Variants in LINGO1 observed in about 807,000 individuals in gnomAD.
The protein encoded by LINGO1 is leucine-rich repeat and immunoglobulin-like domain-containing nogo receptor-interacting protein 1.
LINGO1 carries 11 observed loss-of-function variants against 37.3 expected under a neutral mutation model. That is an observed-to-expected ratio of 0.29 (90% CI 0.19 to 0.49). LINGO1 has a LOEUF of 0.49. LINGO1 is among the 20% of genes least tolerant of loss of function. The pLI is 0.99. For synonymous variants in LINGO1, 387 were observed against 403.0 expected (o/e 0.96, Z 0.48); for missense variants, 585 against 878.2 (o/e 0.67, Z 4.22).
chr15:77,679,412 AATG>A (rs1224121666), intron 2 of LINGO1, among the ~76,000 whole-genome samples: 1 of 152,198 alleles, frequency 6.6e-6, no homozygotes, highest in Non-Finnish European at 1.5e-5. Context: ...GGTACTGGAT[AATG>A]ATGATGACGA....
chr15:77,624,041 T>C (rs1291708078), intron 1 of LINGO1, among the ~76,000 whole-genome samples: 1 of 148,892 alleles, frequency 6.7e-6, no homozygotes, highest in East Asian at 2.0e-4. Flanking sequence ...TGTGTGAGTG[T>C]GGTGTGTGTG....
intron 3 of LINGO1, among the ~76,000 whole-genome samples, chr15:77,671,675 T>C (rs903706603): frequency 2.0e-5 from 3 of 152,190 alleles, no homozygotes; most frequent in Non-Finnish European, 4.4e-5. Context: ...CCCCGCCTGG[T>C]ACCCACCTGG....
Position 77,693,779 on chromosome 15 carries a change from C to G in LINGO1, c.-281+2612G>C, listed in dbSNP as rs560955744. On this transcript the variant is annotated intron_variant, in intron 1 of 3. Transcript: ENST00000559893. ...GTTGTGGCAGAACCAGCTGGCTGATCAGCTGGATGTGAGGGGGTGGAGGTA... is the reference window on the plus strand; with the variant it reads ...GTTGTGGCAGAACCAGCTGGCTGATGAGCTGGATGTGAGGGGGTGGAGGTA... Among the ~76,000 whole-genome samples, 367 of 152,150 alleles carry G rather than the reference C, an allele frequency of 2.4e-3. 3 individuals carry two copies. The highest frequency in any genetic ancestry group is 8.3e-3 in the African/African-American group (345 of 41,502).
rs1200453719 is a variant in LINGO1, at chr15:77,614,411, G to A, written c.1496C>T (p.Ala499Val). 5 of 1,612,692 alleles carry A rather than the reference G, an allele frequency of 3.1e-6. No homozygotes were observed. Among genetic ancestry groups the A allele is most frequent in the African/African-American group, 1.3e-5 (1 of 74,952 alleles). Reference sequence around the variant, plus strand: ...GGAGTCGTTGCCGCCCGCGTTGGCCGCGATGCACAGGTACGTGCCGTTGTC... The same window carrying A: ...GGAGTCGTTGCCGCCCGCGTTGGCCACGATGCACAGGTACGTGCCGTTGTC... Reference protein sequence around the residue: ...VQDNGTYLCIAANAGGNDSMP... With the variant: ...VQDNGTYLCIVANAGGNDSMP... The change falls in exon 2 of 2, where the codon GCG (alanine) becomes GTG (valine). Residue 499 changes from alanine (A) to valine (V), a missense_variant. This residue lies in a region of LINGO1 where 484 missense variants were observed against 735.0 expected (regional missense o/e 0.66). Coordinates refer to ENST00000355300, the MANE Select transcript of LINGO1 (RefSeq NM_032808.7).
intron 1 of LINGO1, among the ~76,000 whole-genome samples, chr15:77,742,159 C>T (rs749711707): frequency 6.6e-6 from 1 of 152,218 alleles, no homozygotes; most frequent in Non-Finnish European, 1.5e-5. Flanking sequence ...CTGAGCCCCA[C>T]AAGCCTAGCT....
intron 1 of LINGO1, among the ~76,000 whole-genome samples, chr15:77,741,185 G>A (rs1055721345): frequency 3.9e-5 from 6 of 152,166 alleles, no homozygotes; most frequent in Non-Finnish European, 5.9e-5. Flanking sequence ...TCTCAGCAGG[G>A]GACACCCTGC....
At chr15:77,817,078 G>A (rs925407472) in intron 1 of LINGO1, among the ~76,000 whole-genome samples, 2 of 152,206 alleles carry the variant, frequency 1.3e-5, no homozygotes, top group African/African-American at 2.4e-5. Context: ...CGCCCGGGAC[G>A]GGGAAGCCAG....
intron 3 of LINGO1, among the ~76,000 whole-genome samples, chr15:77,656,001 G>T (rs537398970): frequency 3.9e-5 from 6 of 152,230 alleles, no homozygotes; most frequent in Non-Finnish European, 7.3e-5. Flanking sequence ...GTGGACTCCT[G>T]CCCCTGCTGG....
chr15:77,791,659 G>A (rs1453086414), upstream of LINGO1, among the ~76,000 whole-genome samples: 2 of 152,106 alleles, frequency 1.3e-5, no homozygotes, highest in African/African-American at 4.8e-5. Flanking sequence ...GCCTGCAGTA[G>A]TCCCCACTAG....
rs139642961 is a variant in LINGO1, at chr15:77,756,870, G to A, written c.-256-21817C>T. On this transcript the variant is annotated intron_variant, in intron 1 of 3. Coordinates refer to the LINGO1 transcript ENST00000561686. ...TACTCCACCGCCCCCCAATGCCAAC[G>A]TGCACCACCTCGCACACAGACTCAT... Among the ~76,000 whole-genome samples the A allele has an allele frequency of 1.4e-4, 22 of 152,228 alleles. No homozygotes were observed. The South Asian group carries it at 2.3e-3, about 16-fold the overall frequency.
In LINGO1 at chr15:77,732,525, A is replaced by C. The variant is rs575629562; in HGVS notation, c.-195+2467T>G. ...GATGGGGTGGCAAGAGGTGCCCAGC[A>C]AATGCACCCATCCAAGCAAGACCCT... is the stretch of plus-strand genomic sequence containing the variant. On this transcript the variant is annotated intron_variant, in intron 2 of 3. Transcript: ENST00000561686. Among the ~76,000 whole-genome samples, 7 of 152,368 alleles carry C rather than the reference A, an allele frequency of 4.6e-5. No individual in the cohort carries two copies. The South Asian group carries it at 1.5e-3, about 32-fold the overall frequency.
rs370705916 is a variant in LINGO1, at chr15:77,630,917, C to T, written c.6+1393G>A. On this transcript the variant is annotated intron_variant, in intron 1 of 1. Coordinates refer to ENST00000355300, the MANE Select transcript of LINGO1 (RefSeq NM_032808.7). ...ATACCCTCCCTCCCACCTCGGGCCACGGGTAGAAAGCAGGAAGGACAGGCA... is the reference window on the plus strand; with the variant it reads ...ATACCCTCCCTCCCACCTCGGGCCATGGGTAGAAAGCAGGAAGGACAGGCA... Among the ~76,000 whole-genome samples, 5 of 152,316 alleles carry T rather than the reference C, an allele frequency of 3.3e-5. No homozygotes were observed. In the East Asian group the frequency reaches 7.7e-4, roughly 24 times the overall value.
chr15:77,767,787 G>A (rs570629826), intron 1 of LINGO1, among the ~76,000 whole-genome samples: 25 of 152,298 alleles, frequency 1.6e-4, no homozygotes, highest in East Asian at 3.9e-4. Flanking sequence ...AGGGAAAACC[G>A]AGTTGTGAAG....
intron 1 of LINGO1, among the ~76,000 whole-genome samples, chr15:77,756,286 T>C (rs1348199407): frequency 6.6e-6 from 1 of 152,132 alleles, no homozygotes; most frequent in Non-Finnish European, 1.5e-5. Context: ...ATAACTCTCA[T>C]TAAGGTCCAC....
chr15:77,650,297 A>G (rs1267594796), intron 3 of LINGO1, among the ~76,000 whole-genome samples: 2 of 152,228 alleles, frequency 1.3e-5, no homozygotes. Context: ...GTGAGGGGGA[A>G]GAGAAGGAAT....
chr15:77,666,071 G>T (rs887867080), intron 3 of LINGO1, among the ~76,000 whole-genome samples: 1 of 152,232 alleles, frequency 6.6e-6, no homozygotes, highest in Non-Finnish European at 1.5e-5. Flanking sequence ...CCTCCAGAGG[G>T]CCTGGCTCAG....
intron 1 of LINGO1, among the ~76,000 whole-genome samples, chr15:77,799,010 T>C (rs910940800): frequency 6.6e-6 from 1 of 152,052 alleles, no homozygotes; most frequent in Admixed American, 6.5e-5. Context: ...TGGTGCATAA[T>C]CACAGAGCTT....
At chr15:77,686,519 A>G (rs1302172657) in intron 2 of LINGO1, among the ~76,000 whole-genome samples, 2 of 152,208 alleles carry the variant, frequency 1.3e-5, no homozygotes, top group Non-Finnish European at 1.5e-5. Context: ...TTCTTCTTCC[A>G]TGGAAGGGAT....
At chr15:77,661,078 G>C (rs1205975222) in intron 3 of LINGO1, among the ~76,000 whole-genome samples, 1 of 151,010 alleles carries the variant, frequency 6.6e-6, no homozygotes, top group Non-Finnish European at 1.5e-5. Flanking sequence ...GCAATGCTGG[G>C]CAAAGGCGAG....
Sources: allele counts gnomAD v4.1 joint callset (sites outside exome capture counted in the v4.1 genomes callset), GRCh38; gene constraint gnomAD v4.1.1; regional missense constraint gnomAD v4.1.1; transcripts MANE v1.5; gene names NCBI Gene and HGNC (gene_info 2026-07-23, HGNC 2026-07-21).